Variants in RAB38 observed in about 807,000 individuals in gnomAD.
RAB38 encodes the protein ras-related protein Rab-38.
A neutral mutation model predicts 18.4 loss-of-function variants in RAB38; 15 were observed. The observed-to-expected ratio is 0.82, with a 90% CI of 0.55 to 1.26. The LOEUF (loss-of-function observed/expected upper bound fraction) is 1.26. Among genes scored for constraint, RAB38 ranks in the 50% most tolerant of loss-of-function variants. The pLI, the probability that RAB38 is intolerant of heterozygous loss-of-function variation, is 0.00. For synonymous variants in RAB38, 101 were observed against 104.4 expected (o/e 0.97, Z 0.20); for missense variants, 294 against 267.4 (o/e 1.10, Z -0.69).
At chr11:88,055,890 GC>G in the RAB38 span, among the ~76,000 whole-genome samples, 1 of 152,160 alleles carries the variant, frequency 6.6e-6, no homozygotes, top group African/African-American at 2.4e-5. Flanking sequence ...TTAAAAGGAG[GC>G]CCTGGTGATC....
At chr11:87,958,678 G>A in the RAB38 span, among the ~76,000 whole-genome samples, 2 of 151,896 alleles carry the variant, frequency 1.3e-5, no homozygotes, top group African/African-American at 4.8e-5. Context: ...TTCTAAAAGA[G>A]AAAACTGAAA....
chr11:87,882,419 A>G, the RAB38 span, among the ~76,000 whole-genome samples: 3 of 151,912 alleles, frequency 2.0e-5, no homozygotes, highest in East Asian at 2.0e-4. Context: ...GACAATCTCT[A>G]TGATATAGAG....
chr11:88,092,074 G>C, the RAB38 span, among the ~76,000 whole-genome samples: 685 of 151,832 alleles, frequency 4.5e-3, 3 homozygotes, highest in African/African-American at 0.016. Context: ...TGGGAACATC[G>C]TATGGCAGTG....
the RAB38 span, among the ~76,000 whole-genome samples, chr11:88,083,929 A>T: frequency 1.3e-5 from 2 of 152,104 alleles, no homozygotes; most frequent in East Asian, 3.9e-4. Flanking sequence ...TTATGGCATC[A>T]CAAATGAACT....
the RAB38 span, among the ~76,000 whole-genome samples, chr11:88,056,543 G>A: frequency 0.6 from 90,795 of 151,874 alleles, 28,173 homozygotes; most frequent in Non-Finnish European, 0.68. Flanking sequence ...AGTGGCTCAC[G>A]CCTGTAATCC....
chr11:88,110,709 C>A (rs1325142400), downstream of RAB38, among the ~76,000 whole-genome samples: 1 of 149,606 alleles, frequency 6.7e-6, no homozygotes, highest in African/African-American at 2.5e-5. Flanking sequence ...CATAGCTACT[C>A]GGGAGGCTGA....
chr11:88,096,393 T>G, the RAB38 span, among the ~76,000 whole-genome samples: 1 of 151,918 alleles, frequency 6.6e-6, no homozygotes, highest in Non-Finnish European at 1.5e-5. Context: ...CATCTCCACA[T>G]AGAAGATTCC....
chr11:87,859,544 A>G, the RAB38 span, among the ~76,000 whole-genome samples: 1 of 152,030 alleles, frequency 6.6e-6, no homozygotes, highest in South Asian at 2.1e-4. Context: ...CAATATATAT[A>G]ATAATTTTAA....
chr11:88,153,469 G>T (rs939250422), intron 1 of RAB38, among the ~76,000 whole-genome samples: 2 of 152,240 alleles, frequency 1.3e-5, no homozygotes, highest in African/African-American at 4.8e-5. Flanking sequence ...GGTAGCCCTT[G>T]GCTCTGCCCC....
the RAB38 span, among the ~76,000 whole-genome samples, chr11:87,848,600 G>T: frequency 7.9e-5 from 12 of 152,106 alleles, no homozygotes; most frequent in African/African-American, 2.2e-4. Context: ...CCAGTAAAAA[G>T]ACCCAGTAAA....
chr11:87,828,926 A>T, the RAB38 span, among the ~76,000 whole-genome samples: 25 of 152,312 alleles, frequency 1.6e-4, no homozygotes, highest in African/African-American at 5.8e-4. Context: ...ATTTAAATAG[A>T]TTTAGGAAAA....
the RAB38 span, among the ~76,000 whole-genome samples, chr11:87,944,110 G>A: frequency 1.3e-5 from 2 of 151,906 alleles, no homozygotes; most frequent in Non-Finnish European, 2.9e-5. Flanking sequence ...TTTATACTAT[G>A]GTCTATTAAG....
chr11:88,112,848 A>C (rs1232252309), downstream of RAB38, among the ~76,000 whole-genome samples: 1 of 152,042 alleles, frequency 6.6e-6, no homozygotes, highest in East Asian at 1.9e-4. Context: ...ACAAATATTA[A>C]TATGAAATAA....
chr11:87,841,013 T>G, the RAB38 span, among the ~76,000 whole-genome samples: 2 of 152,188 alleles, frequency 1.3e-5, no homozygotes, highest in South Asian at 4.1e-4. Context: ...CCTGGCCCCT[T>G]AGTCACTCTG....
chr11:87,888,480 T>C, the RAB38 span, among the ~76,000 whole-genome samples: 1 of 151,990 alleles, frequency 6.6e-6, no homozygotes, highest in Non-Finnish European at 1.5e-5. Flanking sequence ...GGAACATTCA[T>C]ACTTTCCTCT....
chr11:87,850,436 A>G, the RAB38 span, among the ~76,000 whole-genome samples: 1 of 151,950 alleles, frequency 6.6e-6, no homozygotes, highest in African/African-American at 2.4e-5. Context: ...TCCACAAATA[A>G]TCAAAATCAT....
the RAB38 span, among the ~76,000 whole-genome samples, chr11:88,041,114 C>G: frequency 6.6e-6 from 1 of 152,094 alleles, no homozygotes; most frequent in Non-Finnish European, 1.5e-5. Context: ...TATTTTTATT[C>G]TTTTGTTGCA....
At chr11:87,854,880 T>A in the RAB38 span, among the ~76,000 whole-genome samples, 2 of 152,110 alleles carry the variant, frequency 1.3e-5, no homozygotes, top group Non-Finnish European at 2.9e-5. Flanking sequence ...TTGCAAGCTC[T>A]GCCTCCCAGG....
At chr11:88,132,396 T>A (rs541076372) in intron 2 of RAB38, among the ~76,000 whole-genome samples, 16 of 152,302 alleles carry the variant, frequency 1.1e-4, no homozygotes, top group Admixed American at 6.5e-4. Context: ...TTTGGTTAAG[T>A]CACTATTTTT....
Sources: gnomAD v4.1 joint callset for allele counts (sites outside exome capture counted in the v4.1 genomes callset) on GRCh38, gnomAD v4.1.1 for gene constraint, MANE v1.5 for transcripts, NCBI Gene and HGNC (gene_info 2026-07-23, HGNC 2026-07-21) for gene names.